FHIT: variants seen among roughly 807,000 people sequenced by gnomAD.
The protein encoded by FHIT is bis(5'-adenosyl)-triphosphatase.
FHIT carries 19 observed loss-of-function variants against 17.9 expected under a neutral mutation model. The ratio of observed to expected loss-of-function variants is 1.06; its 90% confidence interval spans 0.74 to 1.56. The LOEUF is 1.56. Among genes scored for constraint, FHIT ranks in the 40% most tolerant of loss-of-function variants. FHIT has a pLI of 0.00. For missense variants in FHIT, 248 were observed against 189.2 expected (o/e 1.31, Z -1.82); for synonymous variants, 81 against 69.7 (o/e 1.16, Z -0.81).
chr3:60,122,384 A>G (rs1705300227), intron 5 of FHIT, among the ~76,000 whole-genome samples: 1 of 152,144 alleles, frequency 6.6e-6, no homozygotes, highest in African/African-American at 2.4e-5. Context: ...ATTTGAGTTC[A>G]TGAAATAAAA....
At chr3:60,966,216 G>A (rs981312296) in intron 3 of FHIT, among the ~76,000 whole-genome samples, 20 of 152,184 alleles carry the variant, frequency 1.3e-4, no homozygotes, top group African/African-American at 2.4e-4. Flanking sequence ...GTGAAGCCCC[G>A]TGGGCATGGA....
intron 5 of FHIT, among the ~76,000 whole-genome samples, chr3:60,395,222 C>T (rs900278409): frequency 2.0e-5 from 3 of 152,262 alleles, no homozygotes; most frequent in East Asian, 3.9e-4. Flanking sequence ...ATGAGGAACA[C>T]AGATAAGCCA....
Position 60,449,628 on chromosome 3 carries a change from T to C in FHIT, c.103+87232A>G, listed in dbSNP as rs117439979. 3.6e-3 allele frequency among the ~76,000 whole-genome samples: 550 copies of C among 152,162 alleles called. 8 individuals carry two copies. The highest frequency in any genetic ancestry group is 0.028 in the East Asian group (144 of 5,172). ...CCTAGATACAAACATGTATAGCATG[T>C]TATTGTACTGAATACTGTAGGTAAT... On this transcript the variant is annotated intron_variant, in intron 5 of 9. Transcript: ENST00000492590.
At chr3:60,920,962 C>T (rs569936869) in intron 3 of FHIT, among the ~76,000 whole-genome samples, 10 of 152,132 alleles carry the variant, frequency 6.6e-5, no homozygotes, top group Admixed American at 1.3e-4. Context: ...TGTAAACTGC[C>T]GCAGACGATT....
At chr3:59,891,356 A>C (rs1266814634) in intron 8 of FHIT, among the ~76,000 whole-genome samples, 1 of 152,180 alleles carries the variant, frequency 6.6e-6, no homozygotes, top group Non-Finnish European at 1.5e-5. Flanking sequence ...GCATGAAGGG[A>C]AAAGGAAGAT....
At chr3:60,943,776 A>T (rs1269001891) in intron 3 of FHIT, among the ~76,000 whole-genome samples, 1 of 152,168 alleles carries the variant, frequency 6.6e-6, no homozygotes, top group South Asian at 2.1e-4. Context: ...ATTTAGACAC[A>T]TTGGCAAATA....
At chr3:60,514,823 G>T (rs533253531) in intron 5 of FHIT, among the ~76,000 whole-genome samples, 2 of 151,944 alleles carry the variant, frequency 1.3e-5, no homozygotes, top group African/African-American at 4.8e-5. Context: ...ACATGAAAGC[G>T]TTCCTACAGA....
At chr3:60,911,424 T>C (rs1440217703) in intron 3 of FHIT, among the ~76,000 whole-genome samples, 4 of 151,064 alleles carry the variant, frequency 2.6e-5, no homozygotes, top group African/African-American at 7.3e-5. Context: ...ACCACCACCA[T>C]CATTTTCATC....
chr3:60,156,348 TC>T (rs1201845054), intron 5 of FHIT, among the ~76,000 whole-genome samples: 9 of 142,540 alleles, frequency 6.3e-5, no homozygotes, highest in Non-Finnish European at 9.0e-5. Context: ...AGACTCTGTC[TC>T]AAAAAAAAAA....
chr3:60,490,892 C>A (rs1158757279), intron 5 of FHIT, among the ~76,000 whole-genome samples: 1 of 152,068 alleles, frequency 6.6e-6, no homozygotes, highest in Non-Finnish European at 1.5e-5. Flanking sequence ...GCACAGGTAG[C>A]CAATTTGGGC....
chr3:60,324,247 CCA>C (rs1709571467), intron 5 of FHIT, among the ~76,000 whole-genome samples: 1 of 151,966 alleles, frequency 6.6e-6, no homozygotes, highest in African/African-American at 2.4e-5. Flanking sequence ...TCCTATAACC[CCA>C]GAGTCCCTGT....
At chr3:60,236,287 C>T (rs1023815654) in intron 5 of FHIT, among the ~76,000 whole-genome samples, 1 of 148,192 alleles carries the variant, frequency 6.7e-6, no homozygotes, top group African/African-American at 2.5e-5. Flanking sequence ...TAGATGAGGC[C>T]CTTGAGGACA....
chr3:59,909,065 G>C (rs546246433), intron 8 of FHIT, among the ~76,000 whole-genome samples: 34 of 151,846 alleles, frequency 2.2e-4, no homozygotes, highest in Non-Finnish European at 3.8e-4. Context: ...ACAGAGTCTC[G>C]CTCTGTCACC....
At chr3:60,631,302 A>G (rs992873995) in intron 4 of FHIT, among the ~76,000 whole-genome samples, 3 of 152,202 alleles carry the variant, frequency 2.0e-5, no homozygotes, top group Non-Finnish European at 4.4e-5. Context: ...CATTTGTATG[A>G]AACTGTATTA....
At chr3:60,241,865 T>C (rs1006985156) in intron 5 of FHIT, among the ~76,000 whole-genome samples, 11 of 152,144 alleles carry the variant, frequency 7.2e-5, no homozygotes, top group African/African-American at 2.7e-4. Context: ...TTTATTATTC[T>C]CTTGATCATC....
At chr3:60,074,422 A>G (rs1485457272) in intron 5 of FHIT, among the ~76,000 whole-genome samples, 2 of 151,954 alleles carry the variant, frequency 1.3e-5, no homozygotes, top group Non-Finnish European at 2.9e-5. Context: ...CTCCCTTATT[A>G]TGTTTTAAAC....
At chr3:61,132,951 T>C (rs764883257) in intron 2 of FHIT, among the ~76,000 whole-genome samples, 1 of 152,048 alleles carries the variant, frequency 6.6e-6, no homozygotes, top group Non-Finnish European at 1.5e-5. Context: ...GAAGCAGAAA[T>C]TGCAGTGGCC....
intron 7 of FHIT, among the ~76,000 whole-genome samples, chr3:59,991,792 C>T (rs2107473976): frequency 6.6e-6 from 1 of 152,162 alleles, no homozygotes; most frequent in Non-Finnish European, 1.5e-5. Context: ...GCTCAACTCA[C>T]TACTGCCACC....
intron 5 of FHIT, among the ~76,000 whole-genome samples, chr3:60,435,943 G>C (rs1467821380): frequency 2.0e-5 from 3 of 152,126 alleles, no homozygotes; most frequent in Non-Finnish European, 4.4e-5. Context: ...GTTTGCTAAG[G>C]ATAATGGCCT....
Sources: allele counts gnomAD v4.1 joint callset (sites outside exome capture counted in the v4.1 genomes callset), GRCh38; gene constraint gnomAD v4.1.1; transcripts MANE v1.5; gene names NCBI Gene and HGNC (gene_info 2026-07-23, HGNC 2026-07-21).